The following SNX29 variants were observed in gnomAD, a reference collection of about 807,000 sequenced individuals.
SNX29 encodes the protein sorting nexin 29, also known as sorting nexin-29.
A neutral mutation model predicts 102.1 loss-of-function variants in SNX29; 78 were observed. That is an observed-to-expected ratio of 0.76 (90% confidence interval 0.64 to 0.92). The LOEUF (loss-of-function observed/expected upper bound fraction) is 0.92, where lower values mean the gene tolerates loss of function less well. Ranked by LOEUF, SNX29 falls within the 40% of genes least tolerant of loss-of-function variation. The probability of loss-of-function intolerance (pLI) is 0.00; values close to 1 mark genes in which losing one functional copy is unlikely to be tolerated. For synonymous variants in SNX29, 580 were observed against 414.5 expected, an observed-to-expected ratio of 1.40 and a Z score of -4.85; for missense variants, 1,280 against 1,061.7, an observed-to-expected ratio of 1.21 and a Z score of -2.86.
At chr16:12,124,967 G>C (rs920481967) in intron 11 of SNX29, among the ~76,000 whole-genome samples, 2 of 152,314 alleles carry the variant, frequency 1.3e-5, no homozygotes, top group East Asian at 3.9e-4. Flanking sequence ...GCTGTGGCAG[G>C]TCATAAAGAG....
chr16:12,422,952 C>T (rs893154949), intron 18 of SNX29, among the ~76,000 whole-genome samples: 1 of 152,164 alleles, frequency 6.6e-6, no homozygotes, highest in Admixed American at 6.6e-5. Flanking sequence ...AGGAAAGAAA[C>T]ATCCGAAGCT....
At chr16:12,450,125 C>T (rs1312794936) in intron 18 of SNX29, among the ~76,000 whole-genome samples, 2 of 152,204 alleles carry the variant, frequency 1.3e-5, no homozygotes, top group Non-Finnish European at 2.9e-5. Context: ...CTTCCTTTGT[C>T]TTCTGCCATG....
intron 19 of SNX29, among the ~76,000 whole-genome samples, chr16:12,516,156 A>G (rs893259648): frequency 7.2e-5 from 11 of 152,188 alleles, no homozygotes; most frequent in African/African-American, 2.7e-4. Flanking sequence ...CCCAGAAAGA[A>G]GAAACGGGGT....
chr16:12,551,546 G>T (rs2077977888), intron 20 of SNX29, among the ~76,000 whole-genome samples: 1 of 152,158 alleles, frequency 6.6e-6, no homozygotes, highest in Non-Finnish European at 1.5e-5. Context: ...TAATTCTAAG[G>T]TGCATGCAAA....
chr16:12,442,932 CT>C, intron 18 of SNX29: 1 of 445,518 alleles, frequency 2.2e-6, no homozygotes, highest in Non-Finnish European at 4.5e-6. Flanking sequence ...TGACACTGAA[CT>C]TTGAATTTCA....
intron 13 of SNX29, among the ~76,000 whole-genome samples, chr16:12,176,683 C>T (rs910099543): frequency 6.6e-6 from 1 of 152,128 alleles, no homozygotes; most frequent in African/African-American, 2.4e-5. Flanking sequence ...CTTGAGCACC[C>T]TTGGACTGTG....
rs1051389392 is a variant in SNX29, at chr16:12,410,988, G to C, written c.2037+7459G>C. ...TACCCACAGCTCTGTCTTTATGCTT[G>C]CTTCCTGTGTAGCTATGCAGAGAGG... On this transcript the variant is annotated intron_variant, in intron 18 of 20. Transcript: ENST00000566228. Among the ~76,000 whole-genome samples, 15 of 152,274 alleles carry C rather than the reference G, an allele frequency of 9.9e-5. No individual in the cohort carries two copies. The South Asian group carries it at 3.1e-3, about 32-fold the overall frequency.
At chr16:12,176,097 G>C (rs1413268185) in intron 13 of SNX29, among the ~76,000 whole-genome samples, 1 of 152,126 alleles carries the variant, frequency 6.6e-6, no homozygotes, top group African/African-American at 2.4e-5. Context: ...GGGGGGAAAA[G>C]GCAGCCATCT....
intron 18 of SNX29, among the ~76,000 whole-genome samples, chr16:12,423,870 C>T (rs1439687713): frequency 6.6e-6 from 1 of 152,210 alleles, no homozygotes; most frequent in Non-Finnish European, 1.5e-5. Flanking sequence ...CCGTGCCCAG[C>T]CTACAAGTTT....
At chr16:12,512,261 G>T (rs2089652864) in intron 19 of SNX29, among the ~76,000 whole-genome samples, 1 of 150,262 alleles carries the variant, frequency 6.7e-6, no homozygotes, top group Admixed American at 6.7e-5. Context: ...GTGAGAGGGT[G>T]CGGCTGGAGA....
At chr16:12,182,235 AATT>A (rs1647468578) in intron 13 of SNX29, among the ~76,000 whole-genome samples, 1 of 150,536 alleles carries the variant, frequency 6.6e-6, no homozygotes, top group Non-Finnish European at 1.5e-5. Context: ...GAGATTAAAA[AATT>A]ATTCTGCTGT....
At chr16:12,403,255 T>TGTGTGTGTGTGTGTGG (rs200446987) in intron 17 of SNX29, among the ~76,000 whole-genome samples, 193 bp from the exon 18 acceptor site, 3 of 100,952 alleles carry the variant, frequency 3.0e-5, no homozygotes, top group African/African-American at 8.3e-5. Flanking sequence ...TGTGTGTGTG[T>TGTGTGTGTGTGTGTGG]AGAGAGAGAC....
At chr16:12,273,850 G>A (rs1288579926) in intron 14 of SNX29, among the ~76,000 whole-genome samples, 2 of 152,154 alleles carry the variant, frequency 1.3e-5, no homozygotes, top group Admixed American at 6.5e-5. Flanking sequence ...GCAGCCTTTC[G>A]GATCTGGCTT....
At chr16:12,483,126 T>TTTTTTTG (rs2088041911) in intron 19 of SNX29, among the ~76,000 whole-genome samples, 2 of 128,218 alleles carry the variant, frequency 1.6e-5, no homozygotes, top group East Asian at 2.3e-4. Flanking sequence ...TTTTTTTTTT[T>TTTTTTTG]TTTTTTTTTT....
intron 13 of SNX29, among the ~76,000 whole-genome samples, chr16:12,148,311 G>C (rs760309940): frequency 3.3e-5 from 5 of 152,168 alleles, no homozygotes; most frequent in African/African-American, 1.2e-4. Flanking sequence ...GCGACCTAGC[G>C]TGGGATAGGC....
At chr16:12,364,161 TTGTTATGTTATGTTATGTTA>T (rs56227162) in intron 16 of SNX29, among the ~76,000 whole-genome samples, 19 of 138,382 alleles carry the variant, frequency 1.4e-4, no homozygotes, top group Admixed American at 3.0e-4. Flanking sequence ...CCTGGCTTGT[TTGTTATGTTATGTTATGTTA>T]TGTTATGTTA....
At chr16:12,447,885 G>A (rs997753353) in intron 18 of SNX29, among the ~76,000 whole-genome samples, 3 of 152,198 alleles carry the variant, frequency 2.0e-5, no homozygotes, top group Middle Eastern at 3.4e-3. Context: ...TTGCTGGCAC[G>A]GTTGTCAGGA....
intron 15 of SNX29, among the ~76,000 whole-genome samples, chr16:12,327,214 G>A (rs754336265): frequency 2.8e-4 from 43 of 152,168 alleles, no homozygotes; most frequent in Admixed American, 1.2e-3. Flanking sequence ...CAGTGAAATC[G>A]CAGCCCCCAT....
At chr16:12,280,829 A>G (rs1474749406) in intron 15 of SNX29, among the ~76,000 whole-genome samples, 1 of 152,354 alleles carries the variant, frequency 6.6e-6, no homozygotes, top group Non-Finnish European at 1.5e-5. Context: ...TTGTTAGAGT[A>G]ATGAACGAAT....
Sources: gnomAD v4.1 joint callset for allele counts (sites outside exome capture counted in the v4.1 genomes callset) on GRCh38, gnomAD v4.1.1 for gene constraint, MANE v1.5 for transcripts, NCBI Gene and HGNC (gene_info 2026-07-23, HGNC 2026-07-21) for gene names.